Variants in EXOC4 observed in about 807,000 individuals in gnomAD.
The protein encoded by EXOC4 is exocyst complex component 4.
A neutral mutation model predicts 107.2 loss-of-function variants in EXOC4; 71 were observed. The observed-to-expected ratio is 0.66, with a 90% CI of 0.55 to 0.81. EXOC4 has a LOEUF of 0.81. Among genes scored for constraint, EXOC4 ranks in the 30% least tolerant of loss-of-function variants. EXOC4 has a pLI of 0.00. For missense variants in EXOC4, 1,108 were observed against 1,189.6 expected, an observed-to-expected ratio of 0.93 and a Z score of 1.01; for synonymous variants, 456 against 441.2, an observed-to-expected ratio of 1.03 and a Z score of -0.42.
intron 5 of EXOC4, among the ~76,000 whole-genome samples, chr7:133,347,529 A>G (rs965346759): frequency 6.6e-6 from 1 of 152,198 alleles, no homozygotes; most frequent in African/African-American, 2.4e-5. Flanking sequence ...GGCGTGAGCC[A>G]CCACACCCAG....
chr7:134,084,030 A>G, the EXOC4 span, among the ~76,000 whole-genome samples: 2 of 152,196 alleles, frequency 1.3e-5, no homozygotes, highest in African/African-American at 2.4e-5. Flanking sequence ...AACAGAAAGG[A>G]TCCCTTATGC....
intron 14 of EXOC4, among the ~76,000 whole-genome samples, chr7:133,963,943 G>C (rs1335932540): frequency 6.6e-6 from 1 of 152,180 alleles, no homozygotes; most frequent in Non-Finnish European, 1.5e-5. Flanking sequence ...ATGGAGAAAA[G>C]AAGAAAGGAG....
At chr7:133,595,873 C>T (rs897617960) in intron 9 of EXOC4, among the ~76,000 whole-genome samples, 5 of 152,138 alleles carry the variant, frequency 3.3e-5, no homozygotes, top group African/African-American at 9.7e-5. Flanking sequence ...CTAGTATCTC[C>T]GCCTGTATCT....
At chr7:133,785,677 T>G (rs1585143516) in intron 10 of EXOC4, among the ~76,000 whole-genome samples, 1 of 37,068 alleles carries the variant, frequency 2.7e-5, no homozygotes, top group East Asian at 7.7e-3. Flanking sequence ...TTTGTTTTTG[T>G]TTTTGTTTTT....
chr7:133,614,708 CTG>C (rs1424660420), intron 9 of EXOC4, among the ~76,000 whole-genome samples: 1 of 137,772 alleles, frequency 7.3e-6, no homozygotes, highest in African/African-American at 2.7e-5. Flanking sequence ...TTGGAGAAAA[CTG>C]TGTTCAGATA....
chr7:133,649,842 G>A (rs916467511), intron 10 of EXOC4, among the ~76,000 whole-genome samples: 8 of 152,020 alleles, frequency 5.3e-5, no homozygotes, highest in African/African-American at 1.9e-4. Flanking sequence ...TGCTGTCATT[G>A]GAATGAACCT....
intron 11 of EXOC4, among the ~76,000 whole-genome samples, chr7:133,888,464 G>C (rs1245839326): frequency 6.6e-6 from 1 of 152,094 alleles, no homozygotes; most frequent in Non-Finnish European, 1.5e-5. Context: ...ATTTACCCCA[G>C]TGTATTTCTG....
chr7:133,609,159 A>G (rs1405582316), intron 9 of EXOC4, among the ~76,000 whole-genome samples: 1 of 152,142 alleles, frequency 6.6e-6, no homozygotes, highest in African/African-American at 2.4e-5. Flanking sequence ...GAGTGTGGGG[A>G]ACTGTAATTA....
At chr7:134,005,157 G>A (rs1794617712) in intron 16 of EXOC4, 67 bp downstream of exon 16, 17 of 1,491,428 alleles carry the variant, frequency 1.1e-5, no homozygotes, top group Middle Eastern at 2.4e-4. Flanking sequence ...CTGATTTTCT[G>A]TATTACTGAA....
chr7:133,605,381 C>A (rs898117249), intron 9 of EXOC4, among the ~76,000 whole-genome samples: 1 of 152,028 alleles, frequency 6.6e-6, no homozygotes, highest in African/African-American at 2.4e-5. Context: ...TATAGGAAAC[C>A]GCTATTCATT....
chr7:133,940,175 G>C (rs1344552242), intron 14 of EXOC4, among the ~76,000 whole-genome samples: 1 of 152,276 alleles, frequency 6.6e-6, no homozygotes, highest in Non-Finnish European at 1.5e-5. Context: ...GCTTCACAAA[G>C]CAAGATAGTA....
chr7:133,506,714 T>G (rs941043288), intron 9 of EXOC4, among the ~76,000 whole-genome samples: 3 of 152,144 alleles, frequency 2.0e-5, no homozygotes, highest in African/African-American at 4.8e-5. Flanking sequence ...CTTTTCATCC[T>G]TGACATCATT....
At chr7:133,298,316 G>A (rs544486500) in intron 3 of EXOC4, among the ~76,000 whole-genome samples, 5 of 152,226 alleles carry the variant, frequency 3.3e-5, no homozygotes, top group South Asian at 2.1e-4. Flanking sequence ...GAGTGTGGGC[G>A]AAATTGTCTT....
chr7:133,863,778 G>A (rs867968265), intron 11 of EXOC4, among the ~76,000 whole-genome samples: 1 of 152,152 alleles, frequency 6.6e-6, no homozygotes, highest in African/African-American at 2.4e-5. Flanking sequence ...TGGCTTTCTT[G>A]CTTAGAAAAA....
intron 5 of EXOC4, among the ~76,000 whole-genome samples, chr7:133,341,333 T>C (rs1795656394): frequency 6.6e-6 from 1 of 152,142 alleles, no homozygotes; most frequent in Non-Finnish European, 1.5e-5. Context: ...CATGTATTTG[T>C]AGTGTTTTGA....
At chr7:133,562,352 T>C (rs1422795964) in intron 9 of EXOC4, among the ~76,000 whole-genome samples, 1 of 152,082 alleles carries the variant, frequency 6.6e-6, no homozygotes. Flanking sequence ...TGGATTAGGG[T>C]TCTCATGGTG....
intron 2 of EXOC4, among the ~76,000 whole-genome samples, chr7:133,278,700 A>C (rs1794056273): frequency 6.6e-6 from 1 of 152,132 alleles, no homozygotes; most frequent in African/African-American, 2.4e-5. Context: ...GGGTGGGTGT[A>C]GGGAAGTCAC....
At chr7:133,591,053 C>G (rs938501937) in intron 9 of EXOC4, among the ~76,000 whole-genome samples, 1 of 152,224 alleles carries the variant, frequency 6.6e-6, no homozygotes, top group Non-Finnish European at 1.5e-5. Flanking sequence ...GCTCCCCTTC[C>G]TGTGAGGGGT....
intron 16 of EXOC4, among the ~76,000 whole-genome samples, chr7:134,007,230 A>G (rs193210062): frequency 7.2e-5 from 11 of 152,282 alleles, no homozygotes; most frequent in African/African-American, 2.4e-4. Context: ...TTCCCAATCA[A>G]CTTTTGAGCC....
Sources: allele counts gnomAD v4.1 joint callset (sites outside exome capture counted in the v4.1 genomes callset), GRCh38; gene constraint gnomAD v4.1.1; transcripts MANE v1.5; gene names NCBI Gene and HGNC (gene_info 2026-07-23, HGNC 2026-07-21).